Variants in FBXO4 observed in about 807,000 individuals in gnomAD.
The protein encoded by FBXO4 is F-box only protein 4.
Under a neutral mutation model 43.7 loss-of-function variants are expected in FBXO4, and 36 were observed. The observed-to-expected ratio is 0.82, with a 90% confidence interval of 0.63 to 1.09. FBXO4 has a LOEUF of 1.09. FBXO4 is among the 50% of genes least tolerant of loss of function. The pLI is 0.00. For missense variants in FBXO4, 435 were observed against 474.1 expected, an observed-to-expected ratio of 0.92 and a Z score of 0.77; for synonymous variants, 180 against 165.6, an observed-to-expected ratio of 1.09 and a Z score of -0.67.
chr5:41,943,496 T>C (rs544965876), downstream of FBXO4, among the ~76,000 whole-genome samples: 1 of 152,154 alleles, frequency 6.6e-6, no homozygotes, highest in Non-Finnish European at 1.5e-5. Context: ...GATGTAAGCA[T>C]CTGCATAAGT....
chr5:41,976,601 G>A, the FBXO4 span, among the ~76,000 whole-genome samples: 1 of 152,316 alleles, frequency 6.6e-6, no homozygotes, highest in African/African-American at 2.4e-5. Context: ...CCTGCATCCA[G>A]AGCACACTGG....
At chr5:41,929,519 T>C (rs1166352219) in intron 2 of FBXO4, among the ~76,000 whole-genome samples, 178 bp from the exon 3 acceptor site, 2 of 152,258 alleles carry the variant, frequency 1.3e-5, no homozygotes, top group Admixed American at 6.5e-5. Flanking sequence ...TGCTTTTCCC[T>C]GTCAGAGCAC....
chr5:42,019,453 C>T, the FBXO4 span, among the ~76,000 whole-genome samples: 4 of 152,070 alleles, frequency 2.6e-5, no homozygotes, highest in Non-Finnish European at 5.9e-5. Context: ...CTTTGGGAGT[C>T]CGAGGCGGGT....
the FBXO4 span, among the ~76,000 whole-genome samples, chr5:41,997,072 G>C: frequency 1.3e-5 from 2 of 152,236 alleles, no homozygotes; most frequent in Admixed American, 1.3e-4. Context: ...AATGTGTACT[G>C]CTGGCCTTGC....
chr5:42,019,280 A>T, the FBXO4 span, among the ~76,000 whole-genome samples: 1 of 152,206 alleles, frequency 6.6e-6, no homozygotes, highest in Non-Finnish European at 1.5e-5. Context: ...AATGTAAAAT[A>T]ACTTATTAAT....
the FBXO4 span, among the ~76,000 whole-genome samples, chr5:42,001,030 C>T: frequency 1.3e-5 from 2 of 152,098 alleles, no homozygotes; most frequent in Admixed American, 1.3e-4. Context: ...CTTTGCTATT[C>T]CTATTAAAAA....
chr5:41,933,024 A>G (rs927462501), intron 3 of FBXO4, among the ~76,000 whole-genome samples: 1 of 152,214 alleles, frequency 6.6e-6, no homozygotes, highest in Non-Finnish European at 1.5e-5. Context: ...TTTTACATGT[A>G]TGATCTCGTT....
the FBXO4 span, among the ~76,000 whole-genome samples, chr5:42,022,599 A>G: frequency 1.3e-5 from 2 of 152,078 alleles, no homozygotes; most frequent in Admixed American, 6.6e-5. Flanking sequence ...GTAATTCTTT[A>G]TGAGTACCTC....
chr5:41,996,453 A>T, the FBXO4 span, among the ~76,000 whole-genome samples: 1 of 152,128 alleles, frequency 6.6e-6, no homozygotes, highest in African/African-American at 2.4e-5. Context: ...TGATTCACCT[A>T]TGGGGTCCTG....
downstream of FBXO4, among the ~76,000 whole-genome samples, chr5:41,945,557 C>G (rs151296299): frequency 0.016 from 2,407 of 152,212 alleles, 85 homozygotes; most frequent in Admixed American, 0.075. Context: ...GATGTGCTTC[C>G]CCCTGCAGAG....
chr5:41,976,277 G>A, the FBXO4 span, among the ~76,000 whole-genome samples: 1 of 152,260 alleles, frequency 6.6e-6, no homozygotes, highest in South Asian at 2.1e-4. Flanking sequence ...ATAGAATCAT[G>A]CCTTTGCAAT....
At chr5:41,982,202 A>T in the FBXO4 span, among the ~76,000 whole-genome samples, 1 of 152,156 alleles carries the variant, frequency 6.6e-6, no homozygotes, top group African/African-American at 2.4e-5. Context: ...TAGTGCTGCA[A>T]TAAACATACG....
chr5:41,999,491 AT>A, the FBXO4 span, among the ~76,000 whole-genome samples: 2 of 76,548 alleles, frequency 2.6e-5, no homozygotes, highest in African/African-American at 5.9e-5. Context: ...ATATATATAT[AT>A]ACATATATAT....
the FBXO4 span, among the ~76,000 whole-genome samples, chr5:41,963,077 T>C: frequency 6.6e-6 from 1 of 152,130 alleles, no homozygotes; most frequent in Non-Finnish European, 1.5e-5. Context: ...GTTACTGTTG[T>C]TAGGTTGGGA....
At chr5:41,948,133 C>G in the FBXO4 span, among the ~76,000 whole-genome samples, 2 of 147,842 alleles carry the variant, frequency 1.4e-5, no homozygotes, top group Non-Finnish European at 3.0e-5. Context: ...CTAGTGGCTA[C>G]AATCTTTTTT....
chr5:41,955,560 C>A, the FBXO4 span, among the ~76,000 whole-genome samples: 1 of 152,124 alleles, frequency 6.6e-6, no homozygotes, highest in Non-Finnish European at 1.5e-5. Flanking sequence ...AGATAAAACA[C>A]AGACAAAGCC....
At chr5:41,947,847 C>T in the FBXO4 span, among the ~76,000 whole-genome samples, 2 of 152,254 alleles carry the variant, frequency 1.3e-5, no homozygotes, top group South Asian at 2.1e-4. Context: ...TCAGTGCTTT[C>T]CTTGAGGCTC....
At chr5:41,991,892 A>G in the FBXO4 span, among the ~76,000 whole-genome samples, 2 of 152,186 alleles carry the variant, frequency 1.3e-5, no homozygotes, top group African/African-American at 4.8e-5. Flanking sequence ...CAGACTGACC[A>G]ACATGGAGAA....
At chr5:41,989,700 C>T in the FBXO4 span, among the ~76,000 whole-genome samples, 1 of 152,126 alleles carries the variant, frequency 6.6e-6, no homozygotes, top group Non-Finnish European at 1.5e-5. Flanking sequence ...GATGTCTACC[C>T]TGTAATGATT....
Sources: gnomAD v4.1 joint callset for allele counts (sites outside exome capture counted in the v4.1 genomes callset) on GRCh38, gnomAD v4.1.1 for gene constraint, MANE v1.5 for transcripts, NCBI Gene and HGNC (gene_info 2026-07-23, HGNC 2026-07-21) for gene names.